The following ZNF33B variants were observed in gnomAD, a reference collection of about 807,000 sequenced individuals.
ZNF33B encodes the protein zinc finger protein 11b (KOX 2).
Under a neutral mutation model 45.8 loss-of-function variants are expected in ZNF33B, and 29 were observed. The ratio of observed to expected loss-of-function variants is 0.63; its 90% confidence interval spans 0.47 to 0.86. ZNF33B has a LOEUF of 0.86. Among genes scored for constraint, ZNF33B ranks in the 40% least tolerant of loss-of-function variants. The probability of loss-of-function intolerance (pLI) is 0.00; values close to 1 mark genes in which losing one functional copy is unlikely to be tolerated. For synonymous variants in ZNF33B, 305 were observed against 307.8 expected (o/e 0.99, Z 0.10); for missense variants, 831 against 909.9 (o/e 0.91, Z 1.12).
Position 42,632,280 on chromosome 10 carries a change from G to C in ZNF33B, c.154+15C>G, listed in dbSNP as rs1482326374. 3 of 1,590,368 alleles carry C rather than the reference G, an allele frequency of 1.9e-6. No individual in the cohort carries two copies. Among genetic ancestry groups the C allele is most frequent in the Non-Finnish European group, 2.6e-6 (3 of 1,171,552 alleles). ...AACGAATGCTATTTAGAATGATACA[G>C]TGAACAGACCTTACCCACTGAGACA... On this transcript the variant is annotated intron_variant, in intron 3 of 4. Coordinates refer to ENST00000359467, the MANE Select transcript of ZNF33B (RefSeq NM_006955.3).
At chr10:42,633,694 G>A (rs1839154984) in intron 2 of ZNF33B, among the ~76,000 whole-genome samples, 1 of 152,184 alleles carries the variant, frequency 6.6e-6, no homozygotes. Context: ...CAGGCTGGGT[G>A]CAGTGCCTCA....
downstream of ZNF33B, among the ~76,000 whole-genome samples, chr10:42,588,433 C>A (rs1192079311): frequency 1.3e-5 from 2 of 152,218 alleles, no homozygotes; most frequent in Non-Finnish European, 2.9e-5. Context: ...TAAAATTGGA[C>A]TAGACGACCC....
intron 4 of ZNF33B, among the ~76,000 whole-genome samples, chr10:42,603,819 G>A (rs1231620219): frequency 6.6e-6 from 1 of 152,218 alleles, no homozygotes. Flanking sequence ...TAACACCACT[G>A]CCATGCTAAA....
At position 42,594,247 on chromosome 10, in the gene ZNF33B, T is replaced by C. The variant is rs761871763; in HGVS notation, c.703A>G (p.Asn235Asp). ...TCTGCATTCTCTCTCTTCCGTGTATTGAATACTGCCTTTTCAAGGAGGGTT... is the reference window on the plus strand; with the variant it reads ...TCTGCATTCTCTCTCTTCCGTGTATCGAATACTGCCTTTTCAAGGAGGGTT... ...QETLLEKAVF[N>D]TRKRENAEEN... Residue 235 changes from asparagine (N) to aspartate (D), a missense_variant, in exon 5 of 5, where the codon AAT becomes GAT. Transcript: ENST00000359467. 1 of 1,613,816 alleles carries C rather than the reference T, an allele frequency of 6.2e-7. No individual in the cohort carries two copies. Among genetic ancestry groups the C allele is most frequent in the South Asian group, 1.1e-5 (1 of 91,082 alleles).
chr10:42,578,215 G>GGT, intron 1 of ZNF33B, among the ~76,000 whole-genome samples: 1 of 152,334 alleles, frequency 6.6e-6, no homozygotes, highest in East Asian at 1.9e-4. Context: ...CCAGCCACAG[G>GGT]GCTGCAGGAA....
rs185753983 is a variant in ZNF33B at position 42,598,088 on chromosome 10, A to G, written c.251-3389T>C. ...CCATCAAATGAAATTCCTATTTCTA[A>G]GCCTGTGGATATTTGCTTTGCAATG... On this transcript the variant is annotated intron_variant, in intron 4 of 4. Transcript: ENST00000359467. Among the ~76,000 whole-genome samples the G allele has an allele frequency of 6.6e-5, 10 of 152,352 alleles. No homozygotes were observed. The East Asian group carries it at 1.9e-3, about 29-fold the overall frequency.
At chr10:42,637,029 C>G in intron 1 of ZNF33B, 57 bp from the exon 2 acceptor site, 1 of 1,571,046 alleles carries the variant, frequency 6.4e-7, no homozygotes. Context: ...TGGCAACTCC[C>G]GGATTCTTCT....
At chr10:42,595,975 G>A (rs999252123) in intron 4 of ZNF33B, among the ~76,000 whole-genome samples, 3 of 151,832 alleles carry the variant, frequency 2.0e-5, no homozygotes, top group Non-Finnish European at 4.4e-5. Flanking sequence ...GCATTGTAAA[G>A]GAGAATGAAA....
At chr10:42,624,016 G>A (rs2132135987) in intron 4 of ZNF33B, among the ~76,000 whole-genome samples, 1 of 152,348 alleles carries the variant, frequency 6.6e-6, no homozygotes, top group African/African-American at 2.4e-5. Flanking sequence ...GGTTCCAAAT[G>A]CTGGAAGTCT....
At chr10:42,611,141 G>A (rs1270319643) in intron 4 of ZNF33B, among the ~76,000 whole-genome samples, 6 of 151,842 alleles carry the variant, frequency 4.0e-5, no homozygotes, top group Admixed American at 1.3e-4. Context: ...TCAGGAGTTC[G>A]AGCCTGGCCA....
At chr10:42,601,467 T>TG (rs1837613993) in intron 4 of ZNF33B, among the ~76,000 whole-genome samples, 1 of 136,588 alleles carries the variant, frequency 7.3e-6, no homozygotes. Flanking sequence ...CACATGGGCT[T>TG]GTTTTTTTTT....
Position 42,591,490 on chromosome 10 carries a change from G to C in ZNF33B, c.*1123C>G, listed in dbSNP as rs1168841702. The C allele has an allele frequency of 1.4e-5, 4 of 282,966 alleles. No individual in the cohort carries two copies. The highest frequency in any genetic ancestry group is 1.4e-4 in the South Asian group (1 of 7,226). The allele number at this position is 282,966 out of a possible 1,614,324, so 17.5% of individuals were successfully genotyped here. A position where few individuals can be genotyped will look rare whatever the true frequency, so the allele number is the denominator to read the frequency against. ...TAAATGGATAAACATTAGCTCTGTG[G>C]GTCTCTATTTAAATTGTTTCAGGAC... is the stretch of plus-strand genomic sequence containing the variant. On this transcript the variant is annotated 3_prime_UTR_variant, in exon 5 of 5. Transcript: ENST00000359467.
At chr10:42,595,220 C>T (rs1837349319) in intron 4 of ZNF33B, among the ~76,000 whole-genome samples, 1 of 152,092 alleles carries the variant, frequency 6.6e-6, no homozygotes, top group South Asian at 2.1e-4. Flanking sequence ...ATAGAGGAGA[C>T]AGACAGCCCA....
chr10:42,636,508 T>C (rs1839307489), intron 2 of ZNF33B, among the ~76,000 whole-genome samples: 2 of 152,176 alleles, frequency 1.3e-5, no homozygotes, highest in African/African-American at 2.4e-5. Context: ...TTTTATCTAT[T>C]ACTAATTTCT....
chr10:42,635,201 A>ACT (rs997502765), intron 2 of ZNF33B, among the ~76,000 whole-genome samples: 5 of 151,512 alleles, frequency 3.3e-5, no homozygotes, highest in Non-Finnish European at 5.9e-5. Flanking sequence ...AGATCGCACC[A>ACT]CTGCACTCTA....
intron 4 of ZNF33B, among the ~76,000 whole-genome samples, chr10:42,604,377 A>G (rs142980264): frequency 0.017 from 2,586 of 152,202 alleles, 79 homozygotes; most frequent in African/African-American, 0.059. Context: ...CCTGGGAGGC[A>G]GAGGTTGCAG....
intron 1 of ZNF33B, among the ~76,000 whole-genome samples, chr10:42,637,655 GTTTT>G (rs138703322): frequency 0.044 from 6,689 of 152,092 alleles, 446 homozygotes; most frequent in African/African-American, 0.15. Flanking sequence ...GGTAATTCTG[GTTTT>G]TTGTTTGTTT....
intron 4 of ZNF33B, among the ~76,000 whole-genome samples, chr10:42,631,202 T>TA (rs1470850447): frequency 6.6e-6 from 1 of 152,098 alleles, no homozygotes; most frequent in Non-Finnish European, 1.5e-5. Context: ...TGTTTTTTTT[T>TA]TATATTTATT....
chr10:42,602,047 T>G (rs1344776262), intron 4 of ZNF33B, among the ~76,000 whole-genome samples: 1 of 151,204 alleles, frequency 6.6e-6, no homozygotes, highest in Non-Finnish European at 1.5e-5. Context: ...GCCTCCCAAG[T>G]AGCTAGGACA....
Sources: allele counts gnomAD v4.1 joint callset (sites outside exome capture counted in the v4.1 genomes callset), GRCh38; gene constraint gnomAD v4.1.1; transcripts MANE v1.5; gene names NCBI Gene and HGNC (gene_info 2026-07-23, HGNC 2026-07-21).